AGMO: variants seen among roughly 807,000 people sequenced by gnomAD.
The protein encoded by AGMO is alkylglycerol monooxygenase.
A neutral mutation model predicts 60.2 loss-of-function variants in AGMO; 75 were observed. The observed-to-expected ratio is 1.25, with a 90% CI of 1.03 to 1.51. The LOEUF (loss-of-function observed/expected upper bound fraction) is 1.51, where lower values mean the gene tolerates loss of function less well. Ranked by LOEUF, AGMO falls within the 40% of genes most tolerant of loss-of-function variation. AGMO has a pLI of 0.00. For synonymous variants in AGMO, 261 were observed against 177.1 expected (o/e 1.47, Z -3.76); for missense variants, 763 against 525.5 (o/e 1.45, Z -4.42).
intron 12 of AGMO, among the ~76,000 whole-genome samples, chr7:15,220,459 C>G (rs915819211): frequency 6.6e-6 from 1 of 151,460 alleles, no homozygotes; most frequent in African/African-American, 2.4e-5. Context: ...CTCAGGCAAT[C>G]CGCCCACCTC....
chr7:15,137,758 A>G, the AGMO span, among the ~76,000 whole-genome samples: 2 of 152,202 alleles, frequency 1.3e-5, no homozygotes, highest in African/African-American at 4.8e-5. Context: ...ATGTCACCAT[A>G]GGTAAGGGAA....
chr7:15,551,108 A>T (rs979704096), intron 2 of AGMO, among the ~76,000 whole-genome samples: 3 of 152,124 alleles, frequency 2.0e-5, no homozygotes, highest in African/African-American at 4.8e-5. Context: ...CCTTTGACAA[A>T]ATTCAACAAT....
intron 12 of AGMO, among the ~76,000 whole-genome samples, chr7:15,251,701 G>A (rs1782943083): frequency 1.3e-5 from 2 of 152,178 alleles, no homozygotes; most frequent in South Asian, 4.1e-4. Flanking sequence ...GCTAGTGTTA[G>A]ACATTCCTCC....
intron 10 of AGMO, among the ~76,000 whole-genome samples, chr7:15,382,130 T>A (rs1395897207): frequency 6.6e-6 from 1 of 152,130 alleles, no homozygotes; most frequent in East Asian, 1.9e-4. Flanking sequence ...CAAGTTTACC[T>A]ATGTAACAAA....
intron 12 of AGMO, among the ~76,000 whole-genome samples, chr7:15,235,269 C>T (rs1471980305): frequency 6.6e-6 from 1 of 152,006 alleles, no homozygotes; most frequent in Non-Finnish European, 1.5e-5. Context: ...ACTGTCTTCC[C>T]CATTGGCGCT....
chr7:15,456,320 T>C (rs1020380174), intron 3 of AGMO, among the ~76,000 whole-genome samples: 1 of 152,126 alleles, frequency 6.6e-6, no homozygotes, highest in Admixed American at 6.6e-5. Context: ...ATTGTCTCTG[T>C]TTCTCCTGTT....
intron 12 of AGMO, among the ~76,000 whole-genome samples, chr7:15,339,422 T>C (rs1781762777): frequency 6.6e-6 from 1 of 152,236 alleles, no homozygotes; most frequent in Non-Finnish European, 1.5e-5. Flanking sequence ...TTTAAATACT[T>C]CTGCATATAC....
intron 12 of AGMO, among the ~76,000 whole-genome samples, chr7:15,235,306 TTGTG>T (rs1324654728): frequency 6.6e-6 from 1 of 152,130 alleles, no homozygotes; most frequent in African/African-American, 2.4e-5. Flanking sequence ...AAGACCTTGT[TTGTG>T]TTTTTGTCCC....
intron 12 of AGMO, among the ~76,000 whole-genome samples, chr7:15,237,655 G>A (rs1782465744): frequency 6.6e-6 from 1 of 151,970 alleles, no homozygotes; most frequent in Non-Finnish European, 1.5e-5. Context: ...TCCCTTGTGG[G>A]TTTAAAATAC....
intron 2 of AGMO, among the ~76,000 whole-genome samples, chr7:15,547,031 T>C (rs150605582): frequency 6.6e-6 from 1 of 152,324 alleles, no homozygotes; most frequent in East Asian, 1.9e-4. Context: ...TTTCATATAC[T>C]TCAATATAAC....
At position 15,371,401 on chromosome 7, in the gene AGMO, T is replaced by C. The variant is rs184065844; in HGVS notation, c.1075-5179A>G. 1.7e-3 allele frequency among the ~76,000 whole-genome samples: 260 copies of C among 151,882 alleles called. 5 individuals carry two copies. The East Asian group carries it at 0.044, about 26-fold the overall frequency. ...GTGCGCACAGCTAATTTTTTTTTTT[T>C]TTCTTCGAGACAGAATTTCGTTCTT... is the stretch of plus-strand genomic sequence containing the variant. On this transcript the variant is annotated intron_variant, in intron 10 of 12. Transcript: ENST00000342526.
chr7:15,406,838 G>A (rs1202096132), intron 5 of AGMO, among the ~76,000 whole-genome samples: 27 of 97,350 alleles, frequency 2.8e-4, no homozygotes, highest in South Asian at 6.9e-4. Context: ...ACACATATAT[G>A]TATATGTATA....
chr7:15,407,147 T>C (rs1268846162), intron 5 of AGMO, among the ~76,000 whole-genome samples: 1 of 147,152 alleles, frequency 6.8e-6, no homozygotes, highest in Non-Finnish European at 1.5e-5. Flanking sequence ...CACATATAGA[T>C]ATATGTATAT....
chr7:15,223,521 C>G (rs926551283), intron 12 of AGMO, among the ~76,000 whole-genome samples: 1 of 151,840 alleles, frequency 6.6e-6, no homozygotes, highest in Non-Finnish European at 1.5e-5. Flanking sequence ...ATGTAAAGAA[C>G]AGACACATTT....
intron 3 of AGMO, among the ~76,000 whole-genome samples, chr7:15,456,589 A>T (rs1350909139): frequency 6.6e-6 from 1 of 152,142 alleles, no homozygotes; most frequent in Non-Finnish European, 1.5e-5. Context: ...GCAAGATTTC[A>T]TTCTTCTCCT....
At chr7:15,479,066 G>A (rs1782676975) in intron 3 of AGMO, among the ~76,000 whole-genome samples, 1 of 152,100 alleles carries the variant, frequency 6.6e-6, no homozygotes, top group African/African-American at 2.4e-5. Flanking sequence ...GATTGTTCAT[G>A]CATAGTTTTC....
At chr7:15,480,395 G>C (rs1782718841) in intron 3 of AGMO, among the ~76,000 whole-genome samples, 1 of 152,156 alleles carries the variant, frequency 6.6e-6, no homozygotes, top group Admixed American at 6.5e-5. Flanking sequence ...AAATGGGATT[G>C]AGTAGCCTTC....
rs1213509604 is a variant in AGMO, at chr7:15,555,292, T to TATATAC, written c.257+4848_257+4849insGTATAT. On this transcript the variant is annotated intron_variant, in intron 2 of 12. Coordinates refer to ENST00000342526, the MANE Select transcript of AGMO (RefSeq NM_001004320.2). ...GATCATATATATATATATATATATA[T>TATATAC]ACACACACACACACACACACACACA... Among the ~76,000 whole-genome samples the TATATAC allele has an allele frequency of 2.5e-3, 236 of 95,848 alleles. 1 individual carries two copies. The highest frequency in any genetic ancestry group is 5.6e-3 in the Middle Eastern group (1 of 180). The allele number at this position is 95,848 out of a possible 152,430, so 62.9% of individuals were successfully genotyped here.
At chr7:15,531,921 G>C (rs545315207) in intron 3 of AGMO, among the ~76,000 whole-genome samples, 1 of 151,844 alleles carries the variant, frequency 6.6e-6, no homozygotes, top group Non-Finnish European at 1.5e-5. Context: ...TGCCTGCCTT[G>C]GCCTCCCAGA....
Sources: gnomAD v4.1 joint callset for allele counts (sites outside exome capture counted in the v4.1 genomes callset) on GRCh38, gnomAD v4.1.1 for gene constraint, MANE v1.5 for transcripts, NCBI Gene and HGNC (gene_info 2026-07-23, HGNC 2026-07-21) for gene names.